BCAR3: variants seen among roughly 807,000 people sequenced by gnomAD.
BCAR3 encodes breast cancer anti-estrogen resistance protein 3.
BCAR3 carries 37 observed loss-of-function variants against 80.1 expected under a neutral mutation model. The observed-to-expected ratio is 0.46, with a 90% confidence interval of 0.36 to 0.61. The LOEUF (loss-of-function observed/expected upper bound fraction) is 0.61. BCAR3 is among the 20% of genes least tolerant of loss of function. BCAR3 has a pLI of 0.00. For synonymous variants in BCAR3, 389 were observed against 418.9 expected, an observed-to-expected ratio of 0.93 and a Z score of 0.87; for missense variants, 978 against 1,068.2, an observed-to-expected ratio of 0.92 and a Z score of 1.18.
At chr1:93,693,070 G>A (rs1489587051) in intron 3 of BCAR3, among the ~76,000 whole-genome samples, 1 of 152,118 alleles carries the variant, frequency 6.6e-6, no homozygotes, top group Non-Finnish European at 1.5e-5. Context: ...CCCGGGGTTT[G>A]CCATAAATGC....
In BCAR3 at chr1:93,567,507, T is replaced by TAGAG. The variant is rs1256545937; in HGVS notation, c.2087-20_2087-17dup. The stretch of plus-strand genomic sequence containing the variant: ...CATGTGGACTCTGAAGAATAAGGAG[T>TAGAG]AGAGTTTTCCATATCACATGTTTTC... On this transcript the variant is annotated splice_polypyrimidine_tract_variant and intron_variant, in intron 10 of 11. Coordinates refer to ENST00000260502, the MANE Select transcript of BCAR3 (RefSeq NM_003567.4). 6.2e-7 allele frequency: 1 copy of TAGAG among 1,610,930 alleles called. No homozygotes were observed. The highest frequency in any genetic ancestry group is 1.3e-5 in the African/African-American group (1 of 74,628).
chr1:93,835,082 G>A (rs1654715171), intron 2 of BCAR3, among the ~76,000 whole-genome samples: 1 of 152,126 alleles, frequency 6.6e-6, no homozygotes, highest in Admixed American at 6.5e-5. Context: ...CTCTCAGTAA[G>A]CTGAATTCAT....
rs1018397481 is a variant in BCAR3, at chr1:93,589,344, G to A, written c.562C>T (p.Leu188=). Residue 188 remains leucine (L), a synonymous_variant, in exon 5 of 12, where the codon CTG becomes TTG. Transcript: ENST00000260502. ...DSLSSPGNFV[L]TCQWKNLAQH... is the part of the protein sequence containing the mutation. ...GCGAGGTTCTTCCACTGACAGGTCA[G>A]GACAAAGTTCCCAGGGCTGGACAGA... is the stretch of plus-strand genomic sequence containing the variant. The A allele has an allele frequency of 2.5e-6, 4 of 1,614,026 alleles. No homozygotes were observed. In the African/African-American group the frequency reaches 4.0e-5, roughly 16 times the overall value.
At chr1:93,714,506 C>T (rs1393967287) in intron 2 of BCAR3, among the ~76,000 whole-genome samples, 2 of 152,174 alleles carry the variant, frequency 1.3e-5, no homozygotes, top group African/African-American at 2.4e-5. Flanking sequence ...AGGGTCACCA[C>T]AGCCCAGCAG....
At chr1:93,750,238 G>A (rs147968604) in intron 2 of BCAR3, among the ~76,000 whole-genome samples, 1 of 152,158 alleles carries the variant, frequency 6.6e-6, no homozygotes, top group Non-Finnish European at 1.5e-5. Flanking sequence ...AGCAAGGAAC[G>A]GAAAACCACT....
chr1:93,582,653 T>C lies in BCAR3; in HGVS notation c.1334A>G (p.Lys445Arg). The change falls in exon 7 of 12, where the codon AAG becomes AGG. Residue 445 changes from lysine (K) to arginine (R), a missense_variant. By Grantham distance (26) the Lys-to-Arg change is conservative. Transcript: ENST00000260502. ...AFATGCGRGA[K>R]LPSCAQGSHT... Reference sequence around the variant, plus strand: ...GCTTCCCTGGGCACATGAGGGTAGCTTTGCTCCCCTGCCGCAGCCTGTGGC... The same window carrying C: ...GCTTCCCTGGGCACATGAGGGTAGCCTTGCTCCCCTGCCGCAGCCTGTGGC... The C allele has an allele frequency of 6.2e-7, 1 of 1,614,018 alleles. No individual in the cohort carries two copies.
chr1:93,702,511 G>A (rs765038774), intron 3 of BCAR3, among the ~76,000 whole-genome samples: 25 of 150,200 alleles, frequency 1.7e-4, no homozygotes, highest in Non-Finnish European at 3.0e-4. Context: ...AAGTGGCAGT[G>A]AGTCTGTGCT....
At chr1:93,639,668 G>C (rs986342918) in intron 3 of BCAR3, among the ~76,000 whole-genome samples, 3 of 151,922 alleles carry the variant, frequency 2.0e-5, no homozygotes, top group Admixed American at 1.3e-4. Flanking sequence ...GTAGAGACAG[G>C]GTTTCACCAT....
At chr1:93,568,921 C>T (rs1673089513) in intron 9 of BCAR3, among the ~76,000 whole-genome samples, 1 of 152,164 alleles carries the variant, frequency 6.6e-6, no homozygotes, top group South Asian at 2.1e-4. Flanking sequence ...CTCCCAGGCT[C>T]AGTGATCTTC....
chr1:93,767,253 TG>T (rs1275462234), intron 2 of BCAR3, among the ~76,000 whole-genome samples: 3 of 152,194 alleles, frequency 2.0e-5, no homozygotes, highest in Admixed American at 2.0e-4. Context: ...CTGGGTAGGG[TG>T]GCTCATGCCT....
At chr1:93,674,541 C>A in intron 2 of BCAR3, 73 bp downstream of exon 2, 7 of 1,504,542 alleles carry the variant, frequency 4.7e-6, no homozygotes, top group Non-Finnish European at 6.3e-6. Flanking sequence ...TGAGCCACCA[C>A]GCCCGGCCAT....
At chr1:93,642,698 G>A (rs763567855) in intron 2 of BCAR3, among the ~76,000 whole-genome samples, 27 of 152,182 alleles carry the variant, frequency 1.8e-4, no homozygotes, top group Non-Finnish European at 2.8e-4. Flanking sequence ...TGGCACTTTC[G>A]GTCACTGGTG....
chr1:93,583,684 A>G (rs1420905317), intron 6 of BCAR3, among the ~76,000 whole-genome samples: 2 of 152,146 alleles, frequency 1.3e-5, no homozygotes, highest in African/African-American at 2.4e-5. Context: ...GAAGACTACC[A>G]GTTTTTAAAT....
At chr1:93,846,848 C>T (rs760223122) in intron 1 of BCAR3, 2 of 476,794 alleles carry the variant, frequency 4.2e-6, no homozygotes, top group Non-Finnish European at 4.3e-6. Flanking sequence ...TCGCCCCCCT[C>T]AGTCCACCAG....
At chr1:93,822,058 T>C (rs899766362) in intron 2 of BCAR3, among the ~76,000 whole-genome samples, 1 of 152,068 alleles carries the variant, frequency 6.6e-6, no homozygotes, top group African/African-American at 2.4e-5. Flanking sequence ...AGTGTTAGTA[T>C]AGCAAGGGCT....
chr1:93,615,242 C>T (rs994162476), intron 3 of BCAR3, among the ~76,000 whole-genome samples: 6 of 152,132 alleles, frequency 3.9e-5, no homozygotes, highest in Non-Finnish European at 8.8e-5. Flanking sequence ...AAATATCCAA[C>T]GGGATTAGCG....
chr1:93,799,378 T>C (rs1456120376), intron 2 of BCAR3, among the ~76,000 whole-genome samples: 2 of 152,228 alleles, frequency 1.3e-5, no homozygotes, highest in African/African-American at 4.8e-5. Flanking sequence ...TGGGGTCAGG[T>C]TGATCTTTCA....
chr1:93,833,525 T>TGCATAAGACAGACACTCCCAGAGC (rs1654650657), intron 2 of BCAR3, among the ~76,000 whole-genome samples: 1 of 152,150 alleles, frequency 6.6e-6, no homozygotes, highest in Non-Finnish European at 1.5e-5. Flanking sequence ...TATCTACAAC[T>TGCATAAGACAGACACTCCCAGAGC]GCATAAGACA....
intron 3 of BCAR3, among the ~76,000 whole-genome samples, chr1:93,692,374 A>G (rs1471952023): frequency 6.6e-6 from 1 of 152,214 alleles, no homozygotes; most frequent in Non-Finnish European, 1.5e-5. Flanking sequence ...TCCAAATGGT[A>G]AGAATAATTT....
Sources: gnomAD v4.1 joint callset for allele counts (sites outside exome capture counted in the v4.1 genomes callset) on GRCh38, gnomAD v4.1.1 for gene constraint, MANE v1.5 for transcripts, NCBI Gene and HGNC (gene_info 2026-07-23, HGNC 2026-07-21) for gene names.